The following CACNA2D2 variants were observed in gnomAD, a reference collection of about 807,000 sequenced individuals.
The protein encoded by CACNA2D2 is calcium voltage-gated channel auxiliary subunit alpha2delta 2.
CACNA2D2 carries 48 observed loss-of-function variants against 166.4 expected under a neutral mutation model. The observed-to-expected ratio is 0.29, with a 90% CI of 0.23 to 0.37. The LOEUF (loss-of-function observed/expected upper bound fraction) is 0.37. Ranked by LOEUF, CACNA2D2 falls within the 10% of genes least tolerant of loss-of-function variation. The pLI, the probability that CACNA2D2 is intolerant of heterozygous loss-of-function variation, is 1.00. For synonymous variants in CACNA2D2, 561 were observed against 573.7 expected (o/e 0.98, Z 0.32); for missense variants, 1,122 against 1,433.0 (o/e 0.78, Z 3.50).
intron 3 of CACNA2D2, among the ~76,000 whole-genome samples, chr3:50,398,062 GT>G (rs1279509470): frequency 6.6e-6 from 1 of 152,156 alleles, no homozygotes; most frequent in Non-Finnish European, 1.5e-5. Flanking sequence ...CCTCTTGATG[GT>G]TTGGGGACAG....
intron 3 of CACNA2D2, among the ~76,000 whole-genome samples, chr3:50,399,985 T>C (rs1170065366): frequency 1.3e-5 from 2 of 152,148 alleles, no homozygotes; most frequent in African/African-American, 4.8e-5. Flanking sequence ...CAGCAGCCCC[T>C]GCCTAGCCCA....
chr3:50,389,973 G>T (rs2106712792), intron 4 of CACNA2D2, among the ~76,000 whole-genome samples: 1 of 152,162 alleles, frequency 6.6e-6, no homozygotes, highest in African/African-American at 2.4e-5. Flanking sequence ...TGCATGATGT[G>T]GTGTGGAGCT....
At chr3:50,485,083 C>T (rs1387445222) in intron 1 of CACNA2D2, among the ~76,000 whole-genome samples, 1 of 152,230 alleles carries the variant, frequency 6.6e-6, no homozygotes, top group Non-Finnish European at 1.5e-5. Flanking sequence ...TCCCAGAAGG[C>T]CCTGGCGCTA....
chr3:50,397,986 G>A (rs1489182623), intron 3 of CACNA2D2, among the ~76,000 whole-genome samples: 8 of 152,302 alleles, frequency 5.3e-5, no homozygotes, highest in South Asian at 4.1e-4. Context: ...CAGGGAGACC[G>A]TGCCCACCCT....
chr3:50,495,261 C>T (rs1025085449), intron 1 of CACNA2D2, among the ~76,000 whole-genome samples: 6 of 152,212 alleles, frequency 3.9e-5, no homozygotes, highest in Non-Finnish European at 8.8e-5. Context: ...CCCAAGGAGA[C>T]GGTTGCACCC....
intron 4 of CACNA2D2, among the ~76,000 whole-genome samples, chr3:50,388,566 C>T (rs1162783329): frequency 2.0e-5 from 3 of 152,256 alleles, no homozygotes; most frequent in East Asian, 3.8e-4. Flanking sequence ...AAGTCTGCCA[C>T]CCAGGGGCTG....
Position 50,367,986 on chromosome 3 carries a change from C to T in CACNA2D2, c.2144-84G>A, listed in dbSNP as rs973907470. 5 of 1,187,622 alleles carry T rather than the reference C, an allele frequency of 4.2e-6. No homozygotes were observed. Among genetic ancestry groups the T allele is most frequent in the East Asian group, 2.4e-5 (1 of 41,684 alleles). The allele number at this position is 1,187,622 out of a possible 1,614,324, so 73.6% of individuals were successfully genotyped here. On this transcript the variant is annotated intron_variant, in intron 24 of 37. Coordinates refer to ENST00000424201, the MANE Select transcript of CACNA2D2 (RefSeq NM_006030.4). The surrounding 1 kb of genome is among the most constrained non-coding windows in gnomAD (Gnocchi z 6.5). ...CTCACCCCCACCCTTAAGGCTCCACCAGGAGCCTCCTCCATGACCTGGCCC... is the reference window on the plus strand; with the variant it reads ...CTCACCCCCACCCTTAAGGCTCCACTAGGAGCCTCCTCCATGACCTGGCCC...
intron 3 of CACNA2D2, among the ~76,000 whole-genome samples, chr3:50,414,209 AC>A (rs1330858131): frequency 1.3e-5 from 2 of 151,794 alleles, no homozygotes; most frequent in Non-Finnish European, 2.9e-5. Context: ...GTCATGCCCA[AC>A]CCCCACAGGC....
chr3:50,379,068 G>A lies in CACNA2D2; in HGVS notation c.1260+24C>T, dbSNP rs1296839256. On this transcript the variant is annotated intron_variant, in intron 12 of 37. Transcript: ENST00000424201. This position sits in a 1 kb window ranked among gnomAD's most constrained non-coding sequence, Gnocchi z 6.5. ...TCTGTACTGGGCCCAGGTCAGGGTA[G>A]CCCCTGCCTCGGTTGAGCCTCACCG... is the stretch of plus-strand genomic sequence containing the variant. 3 of 1,612,802 alleles carry A rather than the reference G, an allele frequency of 1.9e-6. No individual in the cohort carries two copies. Among genetic ancestry groups the A allele is most frequent in the Admixed American group, 3.3e-5 (2 of 60,022 alleles).
At chr3:50,371,703 C>G (rs1704662794) in intron 22 of CACNA2D2, among the ~76,000 whole-genome samples, 1 of 151,954 alleles carries the variant, frequency 6.6e-6, no homozygotes, top group Non-Finnish European at 1.5e-5. Flanking sequence ...TGGACTGTTC[C>G]TTTCTGATAG....
At chr3:50,441,804 C>T (rs1290430897) in intron 2 of CACNA2D2, among the ~76,000 whole-genome samples, 3 of 152,266 alleles carry the variant, frequency 2.0e-5, no homozygotes, top group East Asian at 3.8e-4. Context: ...ATGGTATCCA[C>T]CCAGCTCCAA....
intron 2 of CACNA2D2, among the ~76,000 whole-genome samples, chr3:50,449,344 GC>G (rs1285569499): frequency 3.3e-5 from 5 of 152,314 alleles, no homozygotes; most frequent in African/African-American, 1.2e-4. Flanking sequence ...TGCTGCTCGT[GC>G]CCAGCTAATG....
At chr3:50,407,071 C>T (rs1329441236) in intron 3 of CACNA2D2, among the ~76,000 whole-genome samples, 4 of 151,760 alleles carry the variant, frequency 2.6e-5, no homozygotes, top group African/African-American at 7.2e-5. Context: ...GTATCTGTGA[C>T]CTTGGACATG....
chr3:50,446,875 T>G (rs1708872356), intron 2 of CACNA2D2, among the ~76,000 whole-genome samples: 1 of 152,042 alleles, frequency 6.6e-6, no homozygotes, highest in Admixed American at 6.6e-5. Flanking sequence ...TGCTTCGACT[T>G]GTAGGAAACC....
At chr3:50,435,250 G>A (rs1178382172) in intron 2 of CACNA2D2, among the ~76,000 whole-genome samples, 2 of 151,948 alleles carry the variant, frequency 1.3e-5, no homozygotes, top group Non-Finnish European at 2.9e-5. Flanking sequence ...TGAGTCTTAG[G>A]AGCAGATTTC....
intron 3 of CACNA2D2, among the ~76,000 whole-genome samples, chr3:50,399,295 T>C (rs936432581): frequency 3.3e-5 from 5 of 152,250 alleles, no homozygotes. Flanking sequence ...CAGGACTTTT[T>C]CTGCACAGCC....
At chr3:50,453,967 G>A (rs1260128818) in intron 2 of CACNA2D2, among the ~76,000 whole-genome samples, 1 of 152,120 alleles carries the variant, frequency 6.6e-6, no homozygotes, top group African/African-American at 2.4e-5. Context: ...GTTCTGCCCT[G>A]CCCCCGCCTC....
chr3:50,388,145 C>T (rs1280967107), intron 4 of CACNA2D2, among the ~76,000 whole-genome samples: 1 of 152,232 alleles, frequency 6.6e-6, no homozygotes, highest in Non-Finnish European at 1.5e-5. Flanking sequence ...GCCTGCCTCC[C>T]AGCCCTCACC....
At chr3:50,392,118 C>T (rs960580878) in intron 4 of CACNA2D2, among the ~76,000 whole-genome samples, 1 of 152,126 alleles carries the variant, frequency 6.6e-6, no homozygotes. Context: ...TCTGTCATCT[C>T]CTGAAGGTCA....
Sources: gnomAD v4.1 joint callset for allele counts (sites outside exome capture counted in the v4.1 genomes callset) on GRCh38, gnomAD v4.1.1 for gene constraint, Gnocchi (gnomAD v3.1) non-coding constraint, MANE v1.5 for transcripts, NCBI Gene and HGNC (gene_info 2026-07-23, HGNC 2026-07-21) for gene names.